Variants in CSMD1 observed in about 807,000 individuals in gnomAD.
CSMD1 encodes the protein CUB and Sushi multiple domains 1, also known as CUB and sushi domain-containing protein 1.
Under a neutral mutation model 417.5 loss-of-function variants are expected in CSMD1, and 213 were observed. The ratio of observed to expected loss-of-function variants is 0.51; its 90% CI spans 0.46 to 0.57. CSMD1 has a LOEUF of 0.57. CSMD1 is among the 20% of genes least tolerant of loss of function. The pLI, the probability that CSMD1 is intolerant of heterozygous loss-of-function variation, is 0.00. For missense variants in CSMD1, 6,923 were observed against 4,529.7 expected (o/e 1.53, Z -15.17); for synonymous variants, 2,862 against 1,736.8 (o/e 1.65, Z -16.11).
chr8:4,119,069 C>A (rs939337122), intron 3 of CSMD1, among the ~76,000 whole-genome samples: 13 of 151,988 alleles, frequency 8.6e-5, no homozygotes, highest in Non-Finnish European at 1.6e-4. Flanking sequence ...GGGAGGGGAA[C>A]ATCACACACA....
intron 2 of CSMD1, among the ~76,000 whole-genome samples, chr8:4,615,270 G>T (rs1415086104): frequency 6.6e-6 from 1 of 152,086 alleles, no homozygotes; most frequent in Non-Finnish European, 1.5e-5. Flanking sequence ...AGAGCTTAAG[G>T]CACTATGAAA....
At chr8:3,558,298 T>TCAGTAGTACC (rs1563152035) in intron 10 of CSMD1, among the ~76,000 whole-genome samples, 1 of 97,770 alleles carries the variant, frequency 1.0e-5, no homozygotes, top group Non-Finnish European at 2.3e-5. Flanking sequence ...TCAATGGAAC[T>TCAGTAGTACC]CCGTGTTCAC....
At chr8:4,148,968 T>TG (rs999159238) in intron 3 of CSMD1, among the ~76,000 whole-genome samples, 3 of 41,032 alleles carry the variant, frequency 7.3e-5, no homozygotes, top group African/African-American at 1.3e-4. Flanking sequence ...CATATTAACT[T>TG]TTTTTTTTTT....
At chr8:3,087,974 CTT>C (rs1338052349) in intron 48 of CSMD1, among the ~76,000 whole-genome samples, 13 of 152,112 alleles carry the variant, frequency 8.5e-5, no homozygotes, top group African/African-American at 2.9e-4. Flanking sequence ...AATTTCTTTC[CTT>C]TTGACTGTTC....
At chr8:4,116,089 C>T (rs1010372017) in intron 3 of CSMD1, among the ~76,000 whole-genome samples, 27 of 151,880 alleles carry the variant, frequency 1.8e-4, no homozygotes, top group African/African-American at 5.6e-4. Context: ...ACCTCCGCCT[C>T]CTGGGTTCAA....
At chr8:4,884,728 T>C (rs1803625614) in intron 1 of CSMD1, among the ~76,000 whole-genome samples, 2 of 152,218 alleles carry the variant, frequency 1.3e-5, no homozygotes, top group East Asian at 1.9e-4. Context: ...CTTGGATCAA[T>C]AGGTCTATCC....
At chr8:4,104,936 T>G (rs1801492560) in intron 3 of CSMD1, among the ~76,000 whole-genome samples, 1 of 152,182 alleles carries the variant, frequency 6.6e-6, no homozygotes, top group Non-Finnish European at 1.5e-5. Flanking sequence ...AACAGTAGTT[T>G]AAACATGCTT....
In CSMD1 at chr8:4,517,404, C is replaced by T. The variant is rs138543787; in HGVS notation, c.303-97339G>A. On this transcript the variant is annotated intron_variant, in intron 2 of 69. Coordinates refer to ENST00000635120, the MANE Select transcript of CSMD1 (RefSeq NM_033225.6). Reference sequence around the variant, plus strand: ...TAATCTCCCAGACCACTGGCTTCCTCGCCTATAACACGCAGATAATAAAGA... The same window carrying T: ...TAATCTCCCAGACCACTGGCTTCCTTGCCTATAACACGCAGATAATAAAGA... 1.1e-4 allele frequency among the ~76,000 whole-genome samples: 17 copies of T among 152,296 alleles called. No homozygotes were observed. In the East Asian group the frequency reaches 1.9e-3, roughly 17 times the overall value.
chr8:2,967,829 C>T (rs1342294170), intron 57 of CSMD1, among the ~76,000 whole-genome samples: 1 of 151,842 alleles, frequency 6.6e-6, no homozygotes, highest in Non-Finnish European at 1.5e-5. Flanking sequence ...AGTCACTGTA[C>T]TGGGAGTCGA....
chr8:4,397,404 C>T (rs1384100822), intron 3 of CSMD1, among the ~76,000 whole-genome samples: 2 of 150,666 alleles, frequency 1.3e-5, no homozygotes, highest in East Asian at 2.0e-4. Context: ...TTACTTCATT[C>T]AAAATAAGAA....
chr8:3,352,679 A>C (rs1263621037), intron 21 of CSMD1, among the ~76,000 whole-genome samples: 3 of 152,110 alleles, frequency 2.0e-5, no homozygotes, highest in Non-Finnish European at 4.4e-5. Flanking sequence ...ATCTCTATTA[A>C]AAATACAAAC....
At chr8:3,812,698 G>A (rs1360303222) in intron 5 of CSMD1, among the ~76,000 whole-genome samples, 1 of 152,148 alleles carries the variant, frequency 6.6e-6, no homozygotes, top group Non-Finnish European at 1.5e-5. Context: ...ATGACAACAT[G>A]AGCTGTTTGT....
intron 2 of CSMD1, among the ~76,000 whole-genome samples, chr8:4,481,756 C>T (rs1308715943): frequency 6.6e-6 from 1 of 152,154 alleles, no homozygotes; most frequent in African/African-American, 2.4e-5. Context: ...ATATTAGATA[C>T]TGTGCCTAGT....
At chr8:3,298,197 T>C (rs1804115138) in intron 25 of CSMD1, among the ~76,000 whole-genome samples, 2 of 152,078 alleles carry the variant, frequency 1.3e-5, no homozygotes, top group Non-Finnish European at 2.9e-5. Flanking sequence ...CTGTGGAAGG[T>C]AGGATTCACC....
At chr8:3,711,736 G>T (rs968311945) in intron 6 of CSMD1, among the ~76,000 whole-genome samples, 4 of 152,092 alleles carry the variant, frequency 2.6e-5, no homozygotes, top group East Asian at 1.9e-4. Context: ...CATCCAAAAT[G>T]GCAAACGTAT....
At chr8:3,780,641 G>C (rs768930061) in intron 5 of CSMD1, among the ~76,000 whole-genome samples, 3 of 152,142 alleles carry the variant, frequency 2.0e-5, no homozygotes, top group Non-Finnish European at 4.4e-5. Context: ...CCAGCTCCTG[G>C]GGTTGTAATC....
At chr8:3,272,279 C>G (rs1308140444) in intron 26 of CSMD1, among the ~76,000 whole-genome samples, 1 of 144,342 alleles carries the variant, frequency 6.9e-6, no homozygotes, top group Non-Finnish European at 1.5e-5. Flanking sequence ...TGTTCTATTC[C>G]ATTGATCTAT....
At chr8:4,904,540 C>T (rs892672406) in intron 1 of CSMD1, among the ~76,000 whole-genome samples, 1 of 152,128 alleles carries the variant, frequency 6.6e-6, no homozygotes, top group Non-Finnish European at 1.5e-5. Context: ...ACTGCCCTCT[C>T]TGTGGACACA....
intron 5 of CSMD1, among the ~76,000 whole-genome samples, chr8:3,844,925 A>T (rs929612749): frequency 6.6e-6 from 1 of 152,204 alleles, no homozygotes; most frequent in Non-Finnish European, 1.5e-5. Context: ...AAAAACTGCC[A>T]TCAGAATGCT....
Sources: allele counts gnomAD v4.1 joint callset (sites outside exome capture counted in the v4.1 genomes callset), GRCh38; gene constraint gnomAD v4.1.1; transcripts MANE v1.5; gene names NCBI Gene and HGNC (gene_info 2026-07-23, HGNC 2026-07-21).